NALF1: variants seen among roughly 807,000 people sequenced by gnomAD.
NALF1 encodes family with sequence similarity 155 member A.
Under a neutral mutation model 48.4 loss-of-function variants are expected in NALF1, and 3 were observed. The observed-to-expected ratio is 0.06, with a 90% CI of 0.03 to 0.16. The LOEUF (loss-of-function observed/expected upper bound fraction) is 0.16, where lower values mean the gene tolerates loss of function less well. NALF1 is among the 10% of genes least tolerant of loss of function. The pLI is 1.00. For missense variants in NALF1, 526 were observed against 571.5 expected, an observed-to-expected ratio of 0.92 and a Z score of 0.81; for synonymous variants, 262 against 245.7, an observed-to-expected ratio of 1.07 and a Z score of -0.62.
At chr13:107,301,638 A>G (rs1881839472) in intron 1 of NALF1, among the ~76,000 whole-genome samples, 1 of 152,188 alleles carries the variant, frequency 6.6e-6, no homozygotes, top group Non-Finnish European at 1.5e-5. Flanking sequence ...ATACGTCTAC[A>G]TAATTATTTA....
chr13:107,609,697 T>C (rs59092467), intron 1 of NALF1, among the ~76,000 whole-genome samples: 6,380 of 152,270 alleles, frequency 0.042, 359 homozygotes, highest in East Asian at 0.27. Context: ...CCAAAAAAAA[T>C]GTTGAATTCC....
At chr13:107,816,445 G>A (rs1173774963) in intron 1 of NALF1, among the ~76,000 whole-genome samples, 2 of 152,102 alleles carry the variant, frequency 1.3e-5, no homozygotes, top group African/African-American at 4.8e-5. Flanking sequence ...TGAGGAAAAA[G>A]CAAAAGCAGA....
intron 1 of NALF1, among the ~76,000 whole-genome samples, chr13:107,470,006 G>A (rs1327058398): frequency 2.6e-5 from 4 of 151,640 alleles, no homozygotes; most frequent in Non-Finnish European, 5.9e-5. Context: ...GCCTCCCAAA[G>A]TGCTGAGATT....
At chr13:107,561,201 T>G (rs914809974) in intron 1 of NALF1, among the ~76,000 whole-genome samples, 1 of 152,336 alleles carries the variant, frequency 6.6e-6, no homozygotes, top group Admixed American at 6.5e-5. Flanking sequence ...CATTTCATAT[T>G]GCAATTTTAA....
intron 1 of NALF1, among the ~76,000 whole-genome samples, chr13:107,257,386 T>C (rs1376106401): frequency 6.6e-6 from 1 of 152,212 alleles, no homozygotes; most frequent in East Asian, 1.9e-4. Context: ...ATAGGGAATT[T>C]AGAATACTTG....
In NALF1 at chr13:107,710,839, G is replaced by A. The variant is rs538935367; in HGVS notation, c.915+154843C>T. ...TGTATATATACACATACAGAGACAC[G>A]TATAAATATACACAGATATGTGTAT... is the stretch of plus-strand genomic sequence containing the variant. On this transcript the variant is annotated intron_variant, in intron 1 of 2. Coordinates refer to ENST00000375915, the MANE Select transcript of NALF1 (RefSeq NM_001080396.3). Among the ~76,000 whole-genome samples the A allele has an allele frequency of 3.9e-3, 563 of 142,970 alleles. 4 individuals are homozygous for A. Among genetic ancestry groups the A allele is most frequent in the African/African-American group, 0.013 (499 of 37,894 alleles). 93.8% of individuals were successfully genotyped at this position (142,970 alleles called of 152,430 possible).
At position 107,522,110 on chromosome 13, in the gene NALF1, G is replaced by A. The variant is rs146859703; in HGVS notation, c.916-311355C>T. ...GTAATAAAGAAATAAATCCTCTTCC[G>A]CTTGCAACAAAAATGCTTTTGCAAT... On this transcript the variant is annotated intron_variant, in intron 1 of 2. Transcript: ENST00000375915. Among the ~76,000 whole-genome samples the A allele has an allele frequency of 4.1e-3, 628 of 151,974 alleles. 2 individuals are homozygous for A. The highest frequency in any genetic ancestry group is 0.014 in the African/African-American group (597 of 41,438).
intron 1 of NALF1, among the ~76,000 whole-genome samples, chr13:107,252,859 CA>C (rs1880730975): frequency 6.6e-6 from 1 of 152,142 alleles, no homozygotes; most frequent in Non-Finnish European, 1.5e-5. Context: ...AGCACAAAGA[CA>C]GTGAACATCA....
chr13:107,443,633 C>CTATTGA (rs1362266340), intron 1 of NALF1, among the ~76,000 whole-genome samples: 2,481 of 152,182 alleles, frequency 0.016, 71 homozygotes, highest in African/African-American at 0.056. Context: ...TGCAATTATG[C>CTATTGA]TTAGCTATTG....
intron 1 of NALF1, among the ~76,000 whole-genome samples, chr13:107,545,676 C>T (rs111495116): frequency 0.013 from 2,007 of 152,042 alleles, 39 homozygotes; most frequent in African/African-American, 0.045. Context: ...GGAAGCAAGA[C>T]GTACGACGCA....
In NALF1 at chr13:107,350,688, G is replaced by C. The variant is rs551437371; in HGVS notation, c.916-139933C>G. Among the ~76,000 whole-genome samples, 3 of 152,280 alleles carry C rather than the reference G, an allele frequency of 2.0e-5. No individual in the cohort carries two copies. In the East Asian group the frequency reaches 5.8e-4, roughly 29 times the overall value. On this transcript the variant is annotated intron_variant, in intron 1 of 2. Coordinates refer to ENST00000375915, the MANE Select transcript of NALF1 (RefSeq NM_001080396.3). ...TATGTGTCTATTTTTCCCTTTTCCT[G>C]AGCGTTTCCTTACTAGAGGTATTAT...
chr13:107,473,423 G>A (rs987320302), intron 1 of NALF1, among the ~76,000 whole-genome samples: 18 of 152,180 alleles, frequency 1.2e-4, no homozygotes, highest in South Asian at 2.1e-4. Context: ...AGTGTTCTCC[G>A]CGTTCTCCAC....
At chr13:107,757,922 C>CATTATAT (rs1877158383) in intron 1 of NALF1, among the ~76,000 whole-genome samples, 4 of 152,044 alleles carry the variant, frequency 2.6e-5, no homozygotes, top group Admixed American at 1.3e-4. Flanking sequence ...TATCAATAAG[C>CATTATAT]TTTTATTTTG....
intron 1 of NALF1, among the ~76,000 whole-genome samples, chr13:107,215,250 C>CTCTTTCTT (rs1411350430): frequency 1.3e-5 from 2 of 152,184 alleles, no homozygotes; most frequent in African/African-American, 4.8e-5. Context: ...CGAACATATC[C>CTCTTTCTT]TTTTTCTTTT....
chr13:107,580,162 T>G (rs926927296), intron 1 of NALF1, among the ~76,000 whole-genome samples: 1 of 151,884 alleles, frequency 6.6e-6, no homozygotes, highest in African/African-American at 2.4e-5. Flanking sequence ...ATAGATGAAA[T>G]TGGAAATCAT....
chr13:107,563,611 T>C lies in NALF1; in HGVS notation c.915+302071A>G, dbSNP rs9559061. Among the ~76,000 whole-genome samples, 4,304 of 152,338 alleles carry C rather than the reference T, an allele frequency of 0.028. 412 individuals carry two copies. The East Asian group carries it at 0.37, about 13-fold the overall frequency. On this transcript the variant is annotated intron_variant, in intron 1 of 2. Transcript: ENST00000375915. ...ACGTATCCTGCAGAAATATCATTTATGTATTCCCACAAAGCACTAGTGTCC... is the reference window on the plus strand; with the variant it reads ...ACGTATCCTGCAGAAATATCATTTACGTATTCCCACAAAGCACTAGTGTCC...
chr13:107,809,075 A>G (rs73587723), intron 1 of NALF1, among the ~76,000 whole-genome samples: 8,306 of 152,092 alleles, frequency 0.055, 783 homozygotes, highest in African/African-American at 0.19. Flanking sequence ...CACCGGAGTC[A>G]CTTTGACTCA....
intron 1 of NALF1, among the ~76,000 whole-genome samples, chr13:107,341,751 C>A (rs1566490130): frequency 6.6e-6 from 1 of 150,780 alleles, no homozygotes; most frequent in Non-Finnish European, 1.5e-5. Context: ...TATATATTAA[C>A]CATCTATAAT....
chr13:107,174,031 C>T (rs904651773), intron 2 of NALF1, among the ~76,000 whole-genome samples: 9 of 152,216 alleles, frequency 5.9e-5, no homozygotes, highest in Admixed American at 3.9e-4. Flanking sequence ...TTGTGTTATC[C>T]GAATGTTGCT....
Sources: gnomAD v4.1 joint callset for allele counts (sites outside exome capture counted in the v4.1 genomes callset) on GRCh38, gnomAD v4.1.1 for gene constraint, MANE v1.5 for transcripts, NCBI Gene and HGNC (gene_info 2026-07-23, HGNC 2026-07-21) for gene names.